The following HNF1B variants were observed in gnomAD, a reference collection of about 807,000 sequenced individuals.
The protein encoded by HNF1B is hepatocyte nuclear factor 1-beta.
A neutral mutation model predicts 61.7 loss-of-function variants in HNF1B; 8 were observed. The observed-to-expected ratio is 0.13, with a 90% CI of 0.08 to 0.23. The LOEUF (loss-of-function observed/expected upper bound fraction) is 0.23. Ranked by LOEUF, HNF1B falls within the 10% of genes least tolerant of loss-of-function variation. HNF1B has a pLI of 1.00. For synonymous variants in HNF1B, 314 were observed against 287.7 expected, an observed-to-expected ratio of 1.09 and a Z score of -0.93; for missense variants, 562 against 714.5, an observed-to-expected ratio of 0.79 and a Z score of 2.43.
intron 8 of HNF1B, among the ~76,000 whole-genome samples, chr17:37,692,334 T>C (rs2032232449): frequency 6.6e-6 from 1 of 152,330 alleles, no homozygotes; most frequent in South Asian, 2.1e-4. Flanking sequence ...TTATTATGGG[T>C]GCTTAAAAGT....
Position 37,739,409 on chromosome 17 carries a change from G to A in HNF1B, c.544+31C>T, listed in dbSNP as rs746629023. ...GGTGAGAGGGCAAAGGTCACTTCAG[G>A]TTGAGGCAGAGGCAGGATGAAAACA... On this transcript the variant is annotated intron_variant, in intron 2 of 8. Coordinates refer to ENST00000617811, the MANE Select transcript of HNF1B (RefSeq NM_000458.4). The A allele has an allele frequency of 4.4e-6, 7 of 1,605,908 alleles. No homozygotes were observed. The South Asian group carries it at 7.7e-5, about 18-fold the overall frequency.
At chr17:37,740,071 C>A (rs922587281) in intron 1 of HNF1B, among the ~76,000 whole-genome samples, 1 of 152,036 alleles carries the variant, frequency 6.6e-6, no homozygotes, top group Admixed American at 6.5e-5. Context: ...TGGGTTCAAG[C>A]GATTCTCCTG....
chr17:37,722,100 G>T (rs973372338), intron 4 of HNF1B, among the ~76,000 whole-genome samples: 1 of 152,178 alleles, frequency 6.6e-6, no homozygotes, highest in African/African-American at 2.4e-5. Context: ...TCTGGAGAGA[G>T]ATTTGAGAAC....
chr17:37,731,668 G>T lies in HNF1B; in HGVS notation c.972C>A (p.His324Gln), dbSNP rs753631084. 4 of 1,614,126 alleles carry T rather than the reference G, an allele frequency of 2.5e-6. No homozygotes were observed. The Admixed American group carries it at 6.7e-5, about 27-fold the overall frequency. Residue 324 changes from histidine (H) to glutamine (Q), a missense_variant, in exon 4 of 9, where the codon CAC (histidine) becomes CAA (glutamine). Transcript: ENST00000617811. Reference sequence around the variant, plus strand: ...CGTGGGAGAGCAGAGGGTTCAGGCTGTGAGTCTGGTTGGAGCTATAGGCGT... The same window carrying T: ...CGTGGGAGAGCAGAGGGTTCAGGCTTTGAGTCTGGTTGGAGCTATAGGCGT... ...AMDAYSSNQTHSLNPLLSHGS... is the reference protein window; with the variant it reads ...AMDAYSSNQTQSLNPLLSHGS...
intron 3 of HNF1B, among the ~76,000 whole-genome samples, chr17:37,732,851 T>G (rs571749001): frequency 6.6e-6 from 1 of 151,098 alleles, no homozygotes; most frequent in Non-Finnish European, 1.5e-5. Context: ...GTTTTTTTGT[T>G]TTTTTTTTAA....
chr17:37,717,428 A>C (rs949758339), intron 4 of HNF1B, among the ~76,000 whole-genome samples: 2 of 152,196 alleles, frequency 1.3e-5, no homozygotes, highest in African/African-American at 4.8e-5. Context: ...TGGGTCTAGA[A>C]ACTGGGAATT....
intron 8 of HNF1B, among the ~76,000 whole-genome samples, chr17:37,697,590 T>C (rs1021064191): frequency 2.4e-4 from 36 of 152,188 alleles, no homozygotes; most frequent in Admixed American, 2.2e-3. Context: ...GGCAGATGGA[T>C]TGATAAACCT....
In HNF1B at chr17:37,744,573, C is replaced by G; in HGVS notation, c.312G>C (p.Ala104=). Residue 104 remains alanine (A), a synonymous_variant, in exon 1 of 9, where the codon GCG becomes GCC. Transcript: ENST00000617811. ...TCCGGTCCACCTCCGCCCGCTGCTC[C>G]GCCGCCTCCTCGGTGTTGAGCGCCT... ...ELQALNTEEA[A]EQRAEVDRML... 1 of 1,605,836 alleles carries G rather than the reference C, an allele frequency of 6.2e-7. No individual in the cohort carries two copies.
intron 1 of HNF1B, among the ~76,000 whole-genome samples, chr17:37,743,162 G>A (rs1157464304): frequency 2.0e-5 from 3 of 152,174 alleles, no homozygotes; most frequent in Non-Finnish European, 4.4e-5. Context: ...CGGCCGAGTG[G>A]GAGGGCCTAG....
At chr17:37,714,554 C>T (rs1205653758) in intron 4 of HNF1B, among the ~76,000 whole-genome samples, 1 of 152,246 alleles carries the variant, frequency 6.6e-6, no homozygotes, top group East Asian at 1.9e-4. Context: ...CCATTGTTGG[C>T]TCTATGAACC....
At chr17:37,726,346 C>G (rs2033496665) in intron 4 of HNF1B, among the ~76,000 whole-genome samples, 1 of 152,324 alleles carries the variant, frequency 6.6e-6, no homozygotes. Flanking sequence ...ATGAAGATGA[C>G]ACTAGAGATG....
In HNF1B at chr17:37,710,749, G is replaced by A. The variant is rs1311480711; in HGVS notation, c.1046-86C>T. ...CTCGGCACCTCTTGTTTTCAAGGGT[G>A]GGTAATAAGAAAATAAAGTTGCTTT... On this transcript the variant is annotated intron_variant, in intron 4 of 8. Coordinates refer to ENST00000617811, the MANE Select transcript of HNF1B (RefSeq NM_000458.4). The A allele has an allele frequency of 2.7e-5, 37 of 1,373,574 alleles. 1 individual carries two copies. Among genetic ancestry groups the A allele is most frequent in the Non-Finnish European group, 1.0e-5 (10 of 984,320 alleles). 85.1% of individuals were successfully genotyped at this position (1,373,574 alleles called of 1,614,324 possible).
intron 8 of HNF1B, among the ~76,000 whole-genome samples, chr17:37,688,390 C>CACACAA (rs1349587042): frequency 6.7e-6 from 1 of 150,030 alleles, no homozygotes; most frequent in African/African-American, 2.4e-5. Flanking sequence ...AACACACACA[C>CACACAA]ACACACACAC....
Position 37,719,306 on chromosome 17 carries a change from G to A in HNF1B, c.1046-8643C>T, listed in dbSNP as rs572686424. Among the ~76,000 whole-genome samples, 9 of 152,166 alleles carry A rather than the reference G, an allele frequency of 5.9e-5. No individual in the cohort carries two copies. In the East Asian group the frequency reaches 1.4e-3, roughly 23 times the overall value. On this transcript the variant is annotated intron_variant, in intron 4 of 8. Transcript: ENST00000617811. ...GAGGAGTAAGAGAAGAGGAGAGAGAGATTAAAATACAATCAAAATTGAAGA... is the reference window on the plus strand; with the variant it reads ...GAGGAGTAAGAGAAGAGGAGAGAGAAATTAAAATACAATCAAAATTGAAGA...
At chr17:37,697,423 T>TG (rs539811694) in intron 8 of HNF1B, among the ~76,000 whole-genome samples, 197 of 152,242 alleles carry the variant, frequency 1.3e-3, no homozygotes, top group Non-Finnish European at 2.4e-3. Flanking sequence ...GAGAAGCCAG[T>TG]GGGGGGCTGG....
rs187537502 is a variant in HNF1B, at chr17:37,710,041, T to C, written c.1206+462A>G. Among the ~76,000 whole-genome samples the C allele has an allele frequency of 2.3e-3, 357 of 152,282 alleles. 1 individual carries two copies. Among genetic ancestry groups the C allele is most frequent in the African/African-American group, 8.3e-3 (344 of 41,540 alleles). Reference sequence around the variant, plus strand: ...AGAAGCTTCTCCCCATCGCCTCCTATCCACTACATCCTGACTTGCTAATGA... The same window carrying C: ...AGAAGCTTCTCCCCATCGCCTCCTACCCACTACATCCTGACTTGCTAATGA... On this transcript the variant is annotated intron_variant, in intron 5 of 8. Transcript: ENST00000617811.
Position 37,724,293 on chromosome 17 carries a change from A to G in HNF1B, c.1045+7302T>C, listed in dbSNP as rs190091886. Among the ~76,000 whole-genome samples the G allele has an allele frequency of 6.6e-3, 973 of 148,428 alleles. 3 individuals carry two copies. The highest frequency in any genetic ancestry group is 0.01 in the Non-Finnish European group (681 of 65,664). ...TTGAGAAGCTAAATTTGAGAACCTT[A>G]GAACTGGTTCTCAAATTTAGCTACA... On this transcript the variant is annotated intron_variant, in intron 4 of 8. Transcript: ENST00000617811.
intron 1 of HNF1B, 37 bp downstream of exon 1, chr17:37,744,504 G>A (rs1270463861): frequency 9.4e-6 from 15 of 1,592,782 alleles, no homozygotes; most frequent in Middle Eastern, 1.7e-4. Context: ...GGCTCCAGGG[G>A]TTCGGGTGGG....
intron 6 of HNF1B, among the ~76,000 whole-genome samples, chr17:37,702,827 A>G (rs550148287): frequency 6.6e-6 from 1 of 152,162 alleles, no homozygotes; most frequent in Non-Finnish European, 1.5e-5. Flanking sequence ...TTTTCAATGC[A>G]GTCTGTGATC....
Sources: allele counts gnomAD v4.1 joint callset (sites outside exome capture counted in the v4.1 genomes callset), GRCh38; gene constraint gnomAD v4.1.1; transcripts MANE v1.5; gene names NCBI Gene and HGNC (gene_info 2026-07-23, HGNC 2026-07-21).